DIPK2B: variants seen among roughly 807,000 people sequenced by gnomAD.
The protein encoded by DIPK2B is divergent protein kinase domain 2B, also known as UPF0672 protein CXorf36.
Under a neutral mutation model 22.2 loss-of-function variants are expected in DIPK2B, and 15 were observed. The observed-to-expected ratio is 0.68, with a 90% CI of 0.45 to 1.04. The LOEUF is 1.04. Ranked by LOEUF, DIPK2B falls within the 50% of genes least tolerant of loss-of-function variation. DIPK2B has a pLI of 0.00. For missense variants in DIPK2B, 345 were observed against 348.3 expected, an observed-to-expected ratio of 0.99 and a Z score of 0.08; for synonymous variants, 163 against 153.2, an observed-to-expected ratio of 1.06 and a Z score of -0.47.
chrX:45,197,450 A>C (rs2047245437), intron 1 of DIPK2B, among the ~76,000 whole-genome samples: 1 of 111,391 alleles, frequency 9.0e-6, no homozygotes, highest in Admixed American at 9.6e-5. Context: ...GTTGGCCAGG[A>C]TGGTCTTGAT....
intron 1 of DIPK2B, among the ~76,000 whole-genome samples, chrX:45,192,615 C>A (rs902089468): frequency 9.0e-6 from 1 of 110,944 alleles, no homozygotes; most frequent in African/African-American, 3.3e-5. Context: ...CCCCAAGCAG[C>A]CCCATTAGTC....
At chrX:45,190,999 G>A (rs1312820246) in intron 2 of DIPK2B, among the ~76,000 whole-genome samples, 1 of 112,750 alleles carries the variant, frequency 8.9e-6, no homozygotes, top group African/African-American at 3.2e-5. Context: ...TTCCTGGCCG[G>A]GCGTGGTGGC....
chrX:45,189,569 C>T (rs1296451344), intron 2 of DIPK2B, among the ~76,000 whole-genome samples: 1 of 111,561 alleles, frequency 9.0e-6, no homozygotes, highest in Admixed American at 9.5e-5. Context: ...GCCGAGATGG[C>T]GCCACTGCAC....
intron 1 of DIPK2B, among the ~76,000 whole-genome samples, chrX:45,195,881 T>A (rs768666301): frequency 8.9e-6 from 1 of 112,407 alleles, no homozygotes; most frequent in East Asian, 2.8e-4. Context: ...CTCTTTCTTG[T>A]CTGGAAAATC....
rs1215792348 is a variant in DIPK2B at position 45,149,535 on chromosome X, G to C, written c.*2117C>G. ...AGAGACAAACCCAAAAGGGAACTAG[G>C]TACTCCACAAAATAAGGCTTTTCTG... is the stretch of plus-strand genomic sequence containing the variant. On this transcript the variant is annotated 3_prime_UTR_variant, in exon 5 of 5. Transcript: ENST00000398000. The C allele has an allele frequency of 8.8e-6, 1 of 113,138 alleles. No homozygotes were observed. The highest frequency in any genetic ancestry group is 3.2e-5 in the African/African-American group (1 of 30,989). 9.3% of individuals were successfully genotyped at this position (113,138 alleles called of 1,213,427 possible).
intron 2 of DIPK2B, among the ~76,000 whole-genome samples, chrX:45,167,900 G>T (rs763570229): frequency 2.7e-5 from 3 of 112,446 alleles, no homozygotes; most frequent in East Asian, 5.6e-4. Context: ...GGCCAGGCTG[G>T]TCTTGAACTC....
At chrX:45,162,855 G>T (rs749984166) in intron 2 of DIPK2B, 270 of 752,546 alleles carry the variant, frequency 3.6e-4, no homozygotes, top group Non-Finnish European at 3.5e-4. Flanking sequence ...CTGGAATTTT[G>T]CTTGGCTATA....
At chrX:45,197,716 A>T (rs763475048) in intron 1 of DIPK2B, among the ~76,000 whole-genome samples, 3 of 112,250 alleles carry the variant, frequency 2.7e-5, no homozygotes, top group Admixed American at 1.9e-4. Context: ...ACTAAAAAAA[A>T]GTACTAAATA....
intron 2 of DIPK2B, among the ~76,000 whole-genome samples, chrX:45,169,541 C>T (rs371560388): frequency 4.8e-4 from 54 of 111,775 alleles, no homozygotes; most frequent in African/African-American, 1.3e-3. Context: ...GGTTCCTTCC[C>T]TTCCTGAGCC....
At chrX:45,186,675 TAC>T (rs1252660629) in intron 2 of DIPK2B, among the ~76,000 whole-genome samples, 1 of 112,511 alleles carries the variant, frequency 8.9e-6, no homozygotes, top group Non-Finnish European at 1.9e-5. Context: ...TTAAAATATT[TAC>T]AGTCTGAAAA....
chrX:45,193,986 C>T (rs192568948), intron 1 of DIPK2B, among the ~76,000 whole-genome samples: 95 of 108,395 alleles, frequency 8.8e-4, no homozygotes, highest in African/African-American at 2.6e-3. Context: ...TTTTAGATAA[C>T]GATAAGAGTA....
chrX:45,162,763 C>T (rs1329425806), intron 2 of DIPK2B: 64 of 752,502 alleles, frequency 8.5e-5, no homozygotes, highest in East Asian at 1.5e-4. Context: ...CTCTCTCTCC[C>T]GTGCCTGGTT....
intron 2 of DIPK2B, among the ~76,000 whole-genome samples, chrX:45,173,118 T>C (rs904765468): frequency 8.9e-6 from 1 of 111,808 alleles, no homozygotes; most frequent in African/African-American, 3.3e-5. Context: ...GTTTCTGTTT[T>C]ATAGGGTTTT....
chrX:45,165,990 G>A (rs2047046924), intron 2 of DIPK2B, among the ~76,000 whole-genome samples: 1 of 111,959 alleles, frequency 8.9e-6, no homozygotes, highest in South Asian at 3.7e-4. Context: ...CCCTTCCATG[G>A]CCACTTGCTT....
intron 2 of DIPK2B, among the ~76,000 whole-genome samples, chrX:45,170,243 CAAA>C (rs145240278): frequency 1.9e-5 from 1 of 52,614 alleles, no homozygotes; most frequent in African/African-American, 7.8e-5. Context: ...GACTCCGTCT[CAAA>C]AAAAAAAAAA....
intron 2 of DIPK2B, among the ~76,000 whole-genome samples, chrX:45,184,946 ATAG>A (rs1793608631): frequency 9.0e-6 from 1 of 111,491 alleles, no homozygotes; most frequent in Non-Finnish European, 1.9e-5. Flanking sequence ...TTTTCCTATT[ATAG>A]TTAATGTCTG....
chrX:45,151,709 C>T lies in DIPK2B; in HGVS notation c.1245G>A (p.Thr415=), dbSNP rs762613094. 9.9e-6 allele frequency: 12 copies of T among 1,210,574 alleles called. No individual in the cohort carries two copies. The highest frequency in any genetic ancestry group is 4.4e-5 in the Admixed American group (2 of 45,851). The change falls in exon 5 of 5, where the codon ACG becomes ACA. Residue 415 remains threonine (T), a synonymous_variant. Coordinates refer to ENST00000398000, the MANE Select transcript of DIPK2B (RefSeq NM_176819.4). ...QLKDILRPLR[T]CDSRFAYRYP... ...AACGATAGGCAAATCTGGAGTCACA[C>T]GTTCTCAGGGGCCTCAAGATGTCTT...
rs779063086 is a variant in DIPK2B at position 45,197,331 on chromosome X, G to A, written c.233+3263C>T. Among the ~76,000 whole-genome samples the A allele has an allele frequency of 7.2e-5, 8 of 110,423 alleles. No homozygotes were observed. In the East Asian group the frequency reaches 2.0e-3, roughly 28 times the overall value. On this transcript the variant is annotated intron_variant, in intron 1 of 4. Transcript: ENST00000398000. The stretch of plus-strand genomic sequence containing the variant: ...CAACTCACTGCAGCCTCCGCCTCCC[G>A]GGTTCAAGCAATTCTCCTGCCTCAG...
At chrX:45,190,987 C>T (rs2047207960) in intron 2 of DIPK2B, among the ~76,000 whole-genome samples, 1 of 112,737 alleles carries the variant, frequency 8.9e-6, no homozygotes, top group South Asian at 3.6e-4. Flanking sequence ...CCAGAAAATT[C>T]CTTCCTGGCC....
Sources: allele counts gnomAD v4.1 joint callset (sites outside exome capture counted in the v4.1 genomes callset), GRCh38; gene constraint gnomAD v4.1.1; transcripts MANE v1.5; gene names NCBI Gene and HGNC (gene_info 2026-07-23, HGNC 2026-07-21).